Variants in SLC25A53 observed in about 807,000 individuals in gnomAD.
SLC25A53 encodes solute carrier family 25 member 53.
A neutral mutation model predicts 15.0 loss-of-function variants in SLC25A53; 5 were observed. The ratio of observed to expected loss-of-function variants is 0.33; its 90% CI spans 0.17 to 0.70. SLC25A53 has a LOEUF of 0.70. Among genes scored for constraint, SLC25A53 ranks in the 30% least tolerant of loss-of-function variants. SLC25A53 has a pLI of 0.67. For synonymous variants in SLC25A53, 95 were observed against 100.0 expected (o/e 0.95, Z 0.30); for missense variants, 216 against 241.6 (o/e 0.89, Z 0.70).
At chrX:104,127,945 T>C (rs781973648) in intron 1 of SLC25A53, among the ~76,000 whole-genome samples, 2 of 110,389 alleles carry the variant, frequency 1.8e-5, no homozygotes, top group African/African-American at 3.3e-5. Context: ...GCCTGGGTGA[T>C]AGAGCTAGAC....
At chrX:104,142,431 C>T (rs1055757133) in intron 1 of SLC25A53, among the ~76,000 whole-genome samples, 3 of 111,982 alleles carry the variant, frequency 2.7e-5, no homozygotes, top group African/African-American at 9.8e-5. Flanking sequence ...TCAACACTAA[C>T]GCTAGCCACG....
intron 1 of SLC25A53, among the ~76,000 whole-genome samples, chrX:104,152,345 G>C (rs1483202491): frequency 9.5e-6 from 1 of 105,599 alleles, no homozygotes; most frequent in Non-Finnish European, 1.9e-5. Flanking sequence ...TTTTGTCCTT[G>C]CAATAGTTTG....
intron 1 of SLC25A53, among the ~76,000 whole-genome samples, chrX:104,148,614 A>G (rs1556369736): frequency 9.1e-6 from 1 of 110,271 alleles, no homozygotes. Context: ...GTTCTCACTC[A>G]TAGGTGGGAA....
chrX:104,139,234 T>C (rs2075444620), intron 1 of SLC25A53, among the ~76,000 whole-genome samples: 1 of 110,007 alleles, frequency 9.1e-6, no homozygotes, highest in African/African-American at 3.3e-5. Context: ...AAAATAAAAA[T>C]TGGCTAGGCG....
At chrX:104,143,439 A>T (rs1376528960) in intron 1 of SLC25A53, among the ~76,000 whole-genome samples, 4 of 112,257 alleles carry the variant, frequency 3.6e-5, no homozygotes, top group African/African-American at 9.7e-5. Context: ...ACACAGTATG[A>T]GAACTTCGTG....
At chrX:104,135,285 C>T (rs1426222006) in intron 1 of SLC25A53, among the ~76,000 whole-genome samples, 1 of 110,533 alleles carries the variant, frequency 9.0e-6, no homozygotes, top group African/African-American at 3.3e-5. Context: ...TTCTAAGCTC[C>T]ACCGACAGCT....
At chrX:104,109,688 C>T (rs781932231) in intron 1 of SLC25A53, among the ~76,000 whole-genome samples, 7 of 111,529 alleles carry the variant, frequency 6.3e-5, no homozygotes, top group Non-Finnish European at 1.3e-4. Flanking sequence ...CTCAGTGCCT[C>T]CACTTACAAG....
chrX:104,107,993 G>C (rs2075320261), intron 1 of SLC25A53, among the ~76,000 whole-genome samples: 1 of 112,341 alleles, frequency 8.9e-6, no homozygotes, highest in Non-Finnish European at 1.9e-5. Context: ...ATAGTTGATA[G>C]AGGAATTGTA....
rs1556351777 is a variant in SLC25A53, at chrX:104,099,686, C to A, written c.*4648G>T. Reference sequence around the variant, plus strand: ...AAGGAAGAAAACTTATAAACAAAAGCAAAGAAATTATTATTACAAAAGTCA... The same window carrying A: ...AAGGAAGAAAACTTATAAACAAAAGAAAAGAAATTATTATTACAAAAGTCA... On this transcript the variant is annotated 3_prime_UTR_variant, in exon 2 of 2. Transcript: ENST00000594199. 9.0e-6 allele frequency: 1 copy of A among 111,186 alleles called. No homozygotes were observed. The highest frequency in any genetic ancestry group is 3.3e-5 in the African/African-American group (1 of 30,532). The allele number at this position is 111,186 out of a possible 1,213,427, so 9.2% of individuals were successfully genotyped here.
At position 104,105,209 on chromosome X, in the gene SLC25A53, G is replaced by C. The variant is rs782233485; in HGVS notation, c.49C>G (p.Arg17Gly). 8.3e-7 allele frequency: 1 copy of C among 1,211,496 alleles called. No homozygotes were observed. Among genetic ancestry groups the C allele is most frequent in the South Asian group, 1.8e-5 (1 of 56,896 alleles). ...SPGKELQHRT[R>G]AEAPGKKSWH... ...CTTTTCTTTCCTGGAGCCTCTGCTC[G>C]CGTCCTGTGCTGAAGCTCCTTCCCG... Residue 17 changes from arginine (R) to glycine (G), a missense_variant, in exon 2 of 2, where the codon CGA (arginine) becomes GGA (glycine). Arg to Gly is a moderately radical substitution (Grantham distance 125, BLOSUM62 -2). Coordinates refer to ENST00000594199, the MANE Select transcript of SLC25A53 (RefSeq NM_001012755.5).
chrX:104,104,577 T>C lies in SLC25A53; in HGVS notation c.681A>G (p.Leu227=). 1 of 1,211,577 alleles carries C rather than the reference T, an allele frequency of 8.3e-7. No homozygotes were observed. Among genetic ancestry groups the C allele is most frequent in the Non-Finnish European group, 1.1e-6 (1 of 895,386 alleles). The change falls in exon 2 of 2, where the codon CTA becomes CTG. Residue 227 remains leucine, a synonymous_variant. Transcript: ENST00000594199. ...CCAGCACAATCAGAGGATACAGAAC[T>C]AGGCAGGTGATTGTTCCATTGACAC... ...SGSVNGTITC[L]VLYPLIVLVA... is the part of the protein sequence containing the mutation.
rs782559091 is a variant in SLC25A53, at chrX:104,106,733, C to T, written c.-31-1445G>A. ...GCCAAGAATCCGCCTTGGTGTACTA[C>T]TCCTTCCAAAATCACTCCCATCAGC... On this transcript the variant is annotated intron_variant, in intron 1 of 1. Coordinates refer to ENST00000594199, the MANE Select transcript of SLC25A53 (RefSeq NM_001012755.5). 1.1e-4 allele frequency among the ~76,000 whole-genome samples: 12 copies of T among 111,107 alleles called. No homozygotes were observed. The South Asian group carries it at 3.8e-3, about 35-fold the overall frequency.
rs1268734943 is a variant in SLC25A53, at chrX:104,101,060, A to AC, written c.*3273dup. 1.8e-5 allele frequency: 2 copies of AC among 112,012 alleles called. No individual in the cohort carries two copies. Among genetic ancestry groups the AC allele is most frequent in the African/African-American group, 6.5e-5 (2 of 30,750 alleles). The allele number at this position is 112,012 out of a possible 1,213,427, so 9.2% of individuals were successfully genotyped here. Reference sequence around the variant, plus strand: ...TGGGCTTCAAGTTTGAGTTCACATGACCCCTTCTTTGGGTTTAATTTGCCA... The same window carrying AC: ...TGGGCTTCAAGTTTGAGTTCACATGACCCCCTTCTTTGGGTTTAATTTGCCA... On this transcript the variant is annotated 3_prime_UTR_variant, in exon 2 of 2. Transcript: ENST00000594199.
Position 104,101,125 on chromosome X carries a change from C to T in SLC25A53, c.*3209G>A, listed in dbSNP as rs782487443. ...ACTTGGGGAAATACTTAACGTTTAC[C>T]ACTTTATTATAAAGGATATATCAAA... On this transcript the variant is annotated 3_prime_UTR_variant, in exon 2 of 2. Coordinates refer to ENST00000594199, the MANE Select transcript of SLC25A53 (RefSeq NM_001012755.5). 1.2e-4 allele frequency: 13 copies of T among 112,070 alleles called. No individual in the cohort carries two copies. Among genetic ancestry groups the T allele is most frequent in the Admixed American group, 3.8e-4 (4 of 10,592 alleles). 9.2% of individuals were successfully genotyped at this position (112,070 alleles called of 1,213,427 possible).
At chrX:104,114,687 T>G (rs781931414) in intron 1 of SLC25A53, 14 of 1,212,071 alleles carry the variant, frequency 1.2e-5, no homozygotes, top group Non-Finnish European at 1.6e-5. Context: ...GCTTCAGGCT[T>G]AAGCATCTTC....
At chrX:104,141,268 T>G (rs1187999635) in intron 1 of SLC25A53, among the ~76,000 whole-genome samples, 1 of 111,020 alleles carries the variant, frequency 9.0e-6, no homozygotes, top group Non-Finnish European at 1.9e-5. Flanking sequence ...ACCAGAAGCC[T>G]CGCAATCGCA....
At chrX:104,121,715 C>A (rs781977857) in intron 1 of SLC25A53, among the ~76,000 whole-genome samples, 1 of 106,997 alleles carries the variant, frequency 9.3e-6, no homozygotes, top group Non-Finnish European at 1.9e-5. Flanking sequence ...TTCAATGGAA[C>A]TTTCCAAACC....
At chrX:104,140,647 C>G (rs782442930) in intron 1 of SLC25A53, among the ~76,000 whole-genome samples, 8 of 111,317 alleles carry the variant, frequency 7.2e-5, no homozygotes, top group African/African-American at 2.6e-4. Flanking sequence ...TGGGGAATAC[C>G]ATAAACAGTA....
intron 1 of SLC25A53, among the ~76,000 whole-genome samples, chrX:104,155,759 G>A (rs1473234395): frequency 9.0e-6 from 1 of 111,311 alleles, no homozygotes; most frequent in African/African-American, 3.3e-5. Flanking sequence ...AACTAGTTGT[G>A]GGGACCGGGC....
Sources: gnomAD v4.1 joint callset for allele counts (sites outside exome capture counted in the v4.1 genomes callset) on GRCh38, gnomAD v4.1.1 for gene constraint, MANE v1.5 for transcripts, NCBI Gene and HGNC (gene_info 2026-07-23, HGNC 2026-07-21) for gene names.